LRP2: variants seen among roughly 807,000 people sequenced by gnomAD.
The protein encoded by LRP2 is LDL receptor related protein 2.
A neutral mutation model predicts 531.0 loss-of-function variants in LRP2; 172 were observed. That is an observed-to-expected ratio of 0.32 (90% CI 0.29 to 0.37). LRP2 has a LOEUF of 0.37. Ranked by LOEUF, LRP2 falls within the 10% of genes least tolerant of loss-of-function variation. The probability of loss-of-function intolerance (pLI) is 1.00; values close to 1 mark genes in which losing one functional copy is unlikely to be tolerated. For synonymous variants in LRP2, 1,992 were observed against 2,027.6 expected, an observed-to-expected ratio of 0.98 and a Z score of 0.47; for missense variants, 5,167 against 5,868.3, an observed-to-expected ratio of 0.88 and a Z score of 3.90.
intron 67 of LRP2, among the ~76,000 whole-genome samples, chr2:169,152,527 A>G (rs897850803): frequency 1.3e-5 from 2 of 152,222 alleles, no homozygotes; most frequent in African/African-American, 4.8e-5. Context: ...TATATCCTAG[A>G]TATAATATCT....
At chr2:169,235,470 C>T (rs1255541959) in intron 29 of LRP2, among the ~76,000 whole-genome samples, 1 of 152,096 alleles carries the variant, frequency 6.6e-6, no homozygotes, top group Admixed American at 6.6e-5. Flanking sequence ...AACTCCTGAC[C>T]TCAGATGATC....
intron 65 of LRP2, among the ~76,000 whole-genome samples, chr2:169,155,134 T>C (rs1402966160): frequency 6.6e-6 from 1 of 152,174 alleles, no homozygotes; most frequent in Non-Finnish European, 1.5e-5. Flanking sequence ...CTTGATTTAA[T>C]TTTTTTAACC....
rs1574076229 is a variant in LRP2, at chr2:169,153,078, C to G, written c.12296-114G>C. On this transcript the variant is annotated intron_variant, in intron 66 of 78. Coordinates refer to ENST00000649046, the MANE Select transcript of LRP2 (RefSeq NM_004525.3). ...TTATTGACATCTCTACCTCCCTCCTCACTGTTGTTATAATATGAATAATTC... is the reference window on the plus strand; with the variant it reads ...TTATTGACATCTCTACCTCCCTCCTGACTGTTGTTATAATATGAATAATTC... The G allele has an allele frequency of 2.8e-5, 25 of 908,964 alleles. No individual in the cohort carries two copies. The East Asian group carries it at 6.0e-4, about 22-fold the overall frequency. The allele number at this position is 908,964 out of a possible 1,614,324, so 56.3% of individuals were successfully genotyped here. A position where few individuals can be genotyped will look rare whatever the true frequency, so the allele number is the denominator to read the frequency against.
chr2:169,186,438 A>T (rs1393145589), intron 49 of LRP2, among the ~76,000 whole-genome samples: 1 of 152,198 alleles, frequency 6.6e-6, no homozygotes, highest in African/African-American at 2.4e-5. Context: ...CTCTCACGAG[A>T]TGGCATGAGC....
chr2:169,343,742 G>T (rs1685625178), intron 1 of LRP2, among the ~76,000 whole-genome samples: 1 of 152,184 alleles, frequency 6.6e-6, no homozygotes, highest in South Asian at 2.1e-4. Flanking sequence ...GTCCAGGGAA[G>T]TTGGGAAGGG....
rs1055066932 is a variant in LRP2 at position 169,142,735 on chromosome 2, G to A, written c.13047C>T (p.Tyr4349=). The change falls in exon 71 of 79, where the codon TAC becomes TAT. Residue 4349 remains tyrosine, a synonymous_variant. Transcript: ENST00000649046. ...SHLCLLRPGG[Y]SCACPQGSSF... ...TGGAGCCTTGGGGACAGGCACAGCT[G>A]TATCCTCCAGGTCTCAGAAGGCAGA... 3.7e-6 allele frequency: 6 copies of A among 1,613,972 alleles called. No homozygotes were observed. The highest frequency in any genetic ancestry group is 1.6e-4 in the Middle Eastern group (1 of 6,084).
chr2:169,301,726 C>A (rs1684289611), intron 4 of LRP2, among the ~76,000 whole-genome samples: 1 of 152,108 alleles, frequency 6.6e-6, no homozygotes, highest in African/African-American at 2.4e-5. Context: ...CCTCCTCTCT[C>A]CCTGCCTGCC....
rs886055083 is a variant in LRP2 at position 169,193,889 on chromosome 2, T to C, written c.8702A>G (p.His2901Arg). Reference protein sequence around the residue: ...DASDEPASCGHSERTCLADEF... With the variant: ...DASDEPASCGRSERTCLADEF... ...ATCAGCTAGGCATGTTCGCTCAGAG[T>C]GACCTGAAAAGATCAATAGCATTCT... is the stretch of plus-strand genomic sequence containing the variant. The change falls in exon 47 of 79, where the codon CAC (histidine) becomes CGC (arginine). Residue 2901 changes from histidine to arginine, a missense_variant. Transcript: ENST00000649046. The C allele has an allele frequency of 1.7e-5, 27 of 1,614,002 alleles. 1 individual carries two copies. The Middle Eastern group carries it at 2.5e-3, about 147-fold the overall frequency.
In LRP2 at chr2:169,244,783, A is replaced by T. The variant is rs201693671; in HGVS notation, c.3340T>A (p.Tyr1114Asn). The change falls in exon 22 of 79, where the codon TAC becomes AAC. Residue 1114 changes from tyrosine to asparagine, a missense_variant. This residue lies in a region of LRP2 where 2,811 missense variants were observed against 3,058.0 expected (regional missense o/e 0.92). Transcript: ENST00000649046. ...ATACACTGGTGATTATCACAGGTGT[A>T]TTGGGTGTCAAGGCAGGAAGCAGGT... ...HAPASCLDTQ[Y>N]TCDNHQCISK... 6.2e-7 allele frequency: 1 copy of T among 1,614,120 alleles called. No individual in the cohort carries two copies. The highest frequency in any genetic ancestry group is 8.5e-7 in the Non-Finnish European group (1 of 1,180,058).
chr2:169,276,835 T>G (rs1286949326), intron 13 of LRP2, among the ~76,000 whole-genome samples: 1 of 151,938 alleles, frequency 6.6e-6, no homozygotes, highest in Non-Finnish European at 1.5e-5. Flanking sequence ...AAGGAGAGGA[T>G]CTAAAATAAT....
chr2:169,335,863 A>C (rs1227240429), intron 1 of LRP2, among the ~76,000 whole-genome samples: 4 of 152,126 alleles, frequency 2.6e-5, no homozygotes, highest in South Asian at 4.2e-4. Context: ...AAAATACAAA[A>C]AATTAGCCAG....
chr2:169,138,063 G>C (rs1370432540), intron 75 of LRP2, among the ~76,000 whole-genome samples: 1 of 152,046 alleles, frequency 6.6e-6, no homozygotes, highest in African/African-American at 2.4e-5. Context: ...TTACAAATAG[G>C]GACAATGAGG....
At chr2:169,237,981 C>A in intron 27 of LRP2, 110 bp downstream of exon 27, 2 of 875,266 alleles carry the variant, frequency 2.3e-6, no homozygotes, top group South Asian at 1.4e-5. Context: ...CCAGAAGGTA[C>A]CATGAGAGCT....
intron 40 of LRP2, 128 bp from the exon 41 acceptor site, chr2:169,205,765 T>C: frequency 9.9e-7 from 1 of 1,007,132 alleles, no homozygotes; most frequent in Non-Finnish European, 1.5e-6. Flanking sequence ...TCATTTCTAC[T>C]TACACAACTT....
chr2:169,216,493 A>T (rs1264855089), intron 34 of LRP2, 63 bp from the exon 35 acceptor site: 1 of 1,514,454 alleles, frequency 6.6e-7, no homozygotes, highest in Non-Finnish European at 9.2e-7. Context: ...CAGTGACATA[A>T]ATGACAATGT....
At chr2:169,169,156 C>A (rs1327341079) in intron 60 of LRP2, among the ~76,000 whole-genome samples, 2 of 152,176 alleles carry the variant, frequency 1.3e-5, no homozygotes, top group Admixed American at 1.3e-4. Flanking sequence ...CAGACAGTTA[C>A]TGTGTCTATG....
chr2:169,196,874 G>A (rs1160031855), intron 46 of LRP2, 37 bp downstream of exon 46: 2 of 1,613,264 alleles, frequency 1.2e-6, no homozygotes, highest in Non-Finnish European at 1.7e-6. Context: ...TTGTCTAGCT[G>A]CATCGTGATG....
chr2:169,338,341 AAAGAAGGAAAGAAAG>A (rs1685464816), intron 1 of LRP2, among the ~76,000 whole-genome samples: 1 of 142,162 alleles, frequency 7.0e-6, no homozygotes, highest in African/African-American at 2.6e-5. Context: ...ACAGAGAAAG[AAAGAAGGAAAGAAAG>A]AAGGAAAGAA....
chr2:169,337,265 T>C (rs1391556554), intron 1 of LRP2, among the ~76,000 whole-genome samples: 1 of 152,192 alleles, frequency 6.6e-6, no homozygotes, highest in Non-Finnish European at 1.5e-5. Flanking sequence ...AATTGTGGCA[T>C]TTTAGGCATT....
Sources: gnomAD v4.1 joint callset for allele counts (sites outside exome capture counted in the v4.1 genomes callset) on GRCh38, gnomAD v4.1.1 for gene constraint, gnomAD v4.1.1 regional missense constraint, MANE v1.5 for transcripts, NCBI Gene and HGNC (gene_info 2026-07-23, HGNC 2026-07-21) for gene names.